Variants in CPLANE1 observed in about 807,000 individuals in gnomAD.
CPLANE1 encodes ciliogenesis and planar polarity effector 1.
CPLANE1 carries 263 observed loss-of-function variants against 362.5 expected under a neutral mutation model. The observed-to-expected ratio is 0.73, with a 90% confidence interval of 0.66 to 0.80. CPLANE1 has a LOEUF of 0.80. CPLANE1 is among the 30% of genes least tolerant of loss of function. The pLI is 0.00. For synonymous variants in CPLANE1, 1,212 were observed against 1,302.6 expected (o/e 0.93, Z 1.50); for missense variants, 3,461 against 3,793.4 (o/e 0.91, Z 2.30).
At chr5:37,195,482 T>C (rs1338087647) in intron 21 of CPLANE1, among the ~76,000 whole-genome samples, 1 of 151,470 alleles carries the variant, frequency 6.6e-6, no homozygotes, top group Non-Finnish European at 1.5e-5. Flanking sequence ...GCACCTGTCA[T>C]CCCAGCTACT....
chr5:37,147,468 A>T (rs1772015795), intron 43 of CPLANE1, among the ~76,000 whole-genome samples: 1 of 152,270 alleles, frequency 6.6e-6, no homozygotes. Context: ...GATGATGAGT[A>T]TCAACATTCT....
chr5:37,124,116 C>A (rs1185145062), intron 47 of CPLANE1, among the ~76,000 whole-genome samples: 1 of 152,096 alleles, frequency 6.6e-6, no homozygotes, highest in African/African-American at 2.4e-5. Flanking sequence ...AAATTGCACA[C>A]TTTAAACAAT....
Position 37,121,695 on chromosome 5 carries a change from G to A in CPLANE1, c.9107C>T (p.Thr3036Ile). The A allele has an allele frequency of 6.2e-7, 1 of 1,614,008 alleles. No individual in the cohort carries two copies. ...GTTAGGCAATGGTTTCTGTGGTAGA[G>A]TTGGTAGCTGTACTGACTCAGATAA... ...ELLSESVQLP[T>I]LPQKPLPNKP... The change falls in exon 49 of 53, where the codon ACT becomes ATT. Residue 3036 changes from threonine (T) to isoleucine (I), a missense_variant. Physicochemically the swap from Thr to Ile is moderately conservative, Grantham distance 89 (BLOSUM62 -1). This residue lies in a region of CPLANE1 where 3,380 missense variants were observed against 3,666.1 expected (regional missense o/e 0.92). Transcript: ENST00000651892.
intron 16 of CPLANE1, chr5:37,210,700 A>G: frequency 6.3e-7 from 1 of 1,576,414 alleles, no homozygotes; most frequent in Non-Finnish European, 8.7e-7. Flanking sequence ...GAGAGACTGG[A>G]GCTTCTGGCA....
intron 32 of CPLANE1, among the ~76,000 whole-genome samples, chr5:37,171,179 C>G (rs1779701295): frequency 6.6e-6 from 1 of 152,174 alleles, no homozygotes; most frequent in South Asian, 2.1e-4. Context: ...TAGGAACCAG[C>G]ATCTGTATTC....
At chr5:37,100,950 A>G in the CPLANE1 span, among the ~76,000 whole-genome samples, 1 of 152,200 alleles carries the variant, frequency 6.6e-6, no homozygotes, top group Non-Finnish European at 1.5e-5. Flanking sequence ...CGATTTTTGC[A>G]CATTAATTTT....
chr5:37,245,624 C>G, intron 3 of CPLANE1, 26 bp from the exon 4 acceptor site: 1 of 1,501,570 alleles, frequency 6.7e-7, no homozygotes. Flanking sequence ...AAATGCAATA[C>G]TTACAATCTA....
At chr5:37,105,021 G>T (rs948992168), downstream of CPLANE1, among the ~76,000 whole-genome samples, 1 of 152,196 alleles carries the variant, frequency 6.6e-6, no homozygotes, top group Non-Finnish European at 1.5e-5. Flanking sequence ...CTATCAATAG[G>T]TTGGGTGCAG....
chr5:37,175,653 C>CT (rs544917747), intron 31 of CPLANE1, among the ~76,000 whole-genome samples: 256 of 152,262 alleles, frequency 1.7e-3, no homozygotes, highest in African/African-American at 5.6e-3. Flanking sequence ...TATATCACTA[C>CT]TTTTTTTCAG....
intron 8 of CPLANE1, among the ~76,000 whole-genome samples, chr5:37,233,060 G>A (rs1031103436): frequency 1.3e-5 from 2 of 152,154 alleles, no homozygotes; most frequent in Non-Finnish European, 2.9e-5. Context: ...TAACCTCTGA[G>A]TGGGAGAAAC....
rs1276622847 is a variant in CPLANE1 at position 37,147,992 on chromosome 5, A to AAC, written c.8461+188_8461+189insGT. The stretch of plus-strand genomic sequence containing the variant: ...TTCTCAAAAAAAAAAAAAAAAAAAA[A>AAC]AAAAAAGGCCGTGAGGTGGAAGCTA... On this transcript the variant is annotated intron_variant, in intron 43 of 52. Transcript: ENST00000651892. Among the ~76,000 whole-genome samples the AAC allele has an allele frequency of 2.7e-5, 4 of 150,190 alleles. No individual in the cohort carries two copies. In the East Asian group the frequency reaches 5.8e-4, roughly 22 times the overall value.
Position 37,190,092 on chromosome 5 carries a change from T to C in CPLANE1, c.3812-2250A>G, listed in dbSNP as rs111489506. On this transcript the variant is annotated intron_variant, in intron 21 of 52. Coordinates refer to ENST00000651892, the MANE Select transcript of CPLANE1 (RefSeq NM_001384732.1). ...TTCATTCTAACTTCATATGGGTGTGTGCATGTATTACCTTGCTATAAAATC... is the reference window on the plus strand; with the variant it reads ...TTCATTCTAACTTCATATGGGTGTGCGCATGTATTACCTTGCTATAAAATC... Among the ~76,000 whole-genome samples the C allele has an allele frequency of 2.8e-3, 423 of 152,204 alleles. 1 individual carries two copies. The highest frequency in any genetic ancestry group is 5.1e-3 in the Non-Finnish European group (345 of 67,998).
intron 32 of CPLANE1, among the ~76,000 whole-genome samples, chr5:37,171,731 C>A (rs1779829958): frequency 6.8e-6 from 1 of 146,722 alleles, no homozygotes. Context: ...TAGTATATTT[C>A]CTTTCTCTAG....
At chr5:37,162,279 T>C (rs1213470600) in intron 38 of CPLANE1, among the ~76,000 whole-genome samples, 186 bp downstream of exon 38, 1 of 152,248 alleles carries the variant, frequency 6.6e-6, no homozygotes, top group East Asian at 1.9e-4. Context: ...GTGTCTATTA[T>C]GTTTTACTTA....
At chr5:37,120,487 T>C (rs950299977) in intron 49 of CPLANE1, 147 bp from the exon 50 acceptor site, 8 of 594,444 alleles carry the variant, frequency 1.3e-5, no homozygotes, top group South Asian at 1.0e-4. Context: ...GGAGGATCAC[T>C]GGAACCCAGA....
chr5:37,159,153 G>A (rs1208037068), intron 38 of CPLANE1, among the ~76,000 whole-genome samples: 1 of 125,922 alleles, frequency 7.9e-6, no homozygotes, highest in Non-Finnish European at 1.6e-5. Context: ...CGCCCAGGCC[G>A]GACTGCGGAC....
intron 47 of CPLANE1, 70 bp from the exon 48 acceptor site, chr5:37,122,558 G>T (rs1762960724): frequency 8.3e-7 from 1 of 1,201,468 alleles, no homozygotes; most frequent in Non-Finnish European, 1.2e-6. Context: ...ACATAATTCT[G>T]TTATTTAGGA....
chr5:37,200,615 CA>C (rs1788882165), intron 19 of CPLANE1, among the ~76,000 whole-genome samples: 1 of 152,076 alleles, frequency 6.6e-6, no homozygotes, highest in Admixed American at 6.6e-5. Context: ...AGAAACACTT[CA>C]AAGTGTTAAT....
intron 12 of CPLANE1, 29 bp from the exon 13 acceptor site, chr5:37,224,769 A>G (rs763430944): frequency 2.0e-6 from 3 of 1,475,766 alleles, no homozygotes; most frequent in South Asian, 2.5e-5. Flanking sequence ...AATTATCAAA[A>G]GCAAATTTCA....
Sources: gnomAD v4.1 joint callset for allele counts (sites outside exome capture counted in the v4.1 genomes callset) on GRCh38, gnomAD v4.1.1 for gene constraint, gnomAD v4.1.1 regional missense constraint, MANE v1.5 for transcripts, NCBI Gene and HGNC (gene_info 2026-07-23, HGNC 2026-07-21) for gene names.